The following RAP1GDS1 variants were observed in gnomAD, a reference collection of about 807,000 sequenced individuals.
RAP1GDS1 encodes the protein Rap1 GTPase-GDP dissociation stimulator 1.
In RAP1GDS1, 35 loss-of-function variants were observed where a neutral mutation model predicts 71.1. The ratio of observed to expected loss-of-function variants is 0.49; its 90% CI spans 0.38 to 0.65. The LOEUF is 0.65. Ranked by LOEUF, RAP1GDS1 falls within the 30% of genes least tolerant of loss-of-function variation. RAP1GDS1 has a pLI of 0.00. For synonymous variants in RAP1GDS1, 229 were observed against 243.1 expected (o/e 0.94, Z 0.54); for missense variants, 663 against 706.1 (o/e 0.94, Z 0.69).
chr4:98,389,839 A>G (rs1447218420), intron 5 of RAP1GDS1, among the ~76,000 whole-genome samples: 1 of 152,158 alleles, frequency 6.6e-6, no homozygotes, highest in Non-Finnish European at 1.5e-5. Flanking sequence ...TCTAAGTGGT[A>G]TTCTTCTGTT....
At chr4:98,321,180 GATGAA>G (rs1376159848) in intron 2 of RAP1GDS1, among the ~76,000 whole-genome samples, 1 of 143,098 alleles carries the variant, frequency 7.0e-6, no homozygotes, top group Non-Finnish European at 1.5e-5. Context: ...AGCAATGGAA[GATGAA>G]ATGAATGAAA....
chr4:98,409,642 G>T, intron 7 of RAP1GDS1: 1 of 264,644 alleles, frequency 3.8e-6, no homozygotes, highest in Admixed American at 4.3e-5. Flanking sequence ...GGGAGCCAAA[G>T]AGAAATGTAC....
intron 2 of RAP1GDS1, among the ~76,000 whole-genome samples, chr4:98,331,978 A>ACAAAGCT (rs1734084863): frequency 6.6e-6 from 1 of 152,232 alleles, no homozygotes; most frequent in Non-Finnish European, 1.5e-5. Context: ...CTTAACCCTT[A>ACAAAGCT]CAAAGCTCAG....
chr4:98,326,029 G>T (rs957138912), intron 2 of RAP1GDS1, among the ~76,000 whole-genome samples: 5 of 152,038 alleles, frequency 3.3e-5, no homozygotes, highest in Non-Finnish European at 7.4e-5. Context: ...AAACAAAAAT[G>T]AATAATTGTT....
At chr4:98,279,814 T>C (rs1353517434) in intron 1 of RAP1GDS1, among the ~76,000 whole-genome samples, 1 of 152,082 alleles carries the variant, frequency 6.6e-6, no homozygotes, top group Non-Finnish European at 1.5e-5. Context: ...TGTGTCCAAG[T>C]GTTCTCATTG....
At chr4:98,396,128 G>A (rs1744513585) in intron 6 of RAP1GDS1, 1 of 152,036 alleles carries the variant, frequency 6.6e-6, no homozygotes, top group Admixed American at 6.6e-5. Context: ...ATCACCAAGG[G>A]GATGGTACTA....
intron 1 of RAP1GDS1, among the ~76,000 whole-genome samples, chr4:98,287,834 TTTAG>T (rs1726269081): frequency 6.6e-6 from 1 of 152,166 alleles, no homozygotes; most frequent in Admixed American, 6.5e-5. Flanking sequence ...ACAAAACATA[TTTAG>T]TATTTAGGTA....
chr4:98,306,306 C>T (rs564548419), intron 2 of RAP1GDS1, among the ~76,000 whole-genome samples: 3 of 152,278 alleles, frequency 2.0e-5, no homozygotes, highest in South Asian at 4.1e-4. Flanking sequence ...GTTCAGAGTC[C>T]GGTGACATGC....
chr4:98,296,506 A>C (rs1727781327), intron 2 of RAP1GDS1, among the ~76,000 whole-genome samples: 1 of 152,158 alleles, frequency 6.6e-6, no homozygotes, highest in Admixed American at 6.6e-5. Context: ...TTGTTTAAGC[A>C]AGCATTTTGT....
intron 2 of RAP1GDS1, among the ~76,000 whole-genome samples, chr4:98,312,088 A>G (rs749437171): frequency 3.3e-5 from 5 of 152,212 alleles, no homozygotes; most frequent in Non-Finnish European, 5.9e-5. Flanking sequence ...TGATTTTACT[A>G]AAGTTGGGGA....
chr4:98,355,768 T>A (rs1737869305), intron 4 of RAP1GDS1, among the ~76,000 whole-genome samples: 1 of 152,186 alleles, frequency 6.6e-6, no homozygotes, highest in Non-Finnish European at 1.5e-5. Context: ...AGTGCCCATT[T>A]TAGGAACTTT....
At chr4:98,331,474 A>G (rs746369544) in intron 2 of RAP1GDS1, among the ~76,000 whole-genome samples, 9 of 152,138 alleles carry the variant, frequency 5.9e-5, no homozygotes, top group South Asian at 2.1e-4. Context: ...TAAAAATCCA[A>G]TGGAAGTTTA....
At chr4:98,364,291 A>T (rs770233994) in intron 4 of RAP1GDS1, among the ~76,000 whole-genome samples, 8 of 152,288 alleles carry the variant, frequency 5.3e-5, no homozygotes, top group Non-Finnish European at 8.8e-5. Flanking sequence ...CCTTGAAATC[A>T]TAGTTTTTTA....
chr4:98,378,014 G>T (rs1741425117), intron 4 of RAP1GDS1, among the ~76,000 whole-genome samples: 1 of 151,670 alleles, frequency 6.6e-6, no homozygotes, highest in African/African-American at 2.4e-5. Flanking sequence ...ATATCAGAGT[G>T]ATATATATTG....
rs116108172 is a variant in RAP1GDS1 at position 98,320,395 on chromosome 4, C to T, written c.113-22744C>T. 5.9e-3 allele frequency among the ~76,000 whole-genome samples: 895 copies of T among 152,238 alleles called. 10 individuals carry two copies. Among genetic ancestry groups the T allele is most frequent in the African/African-American group, 0.021 (857 of 41,526 alleles). On this transcript the variant is annotated intron_variant, in intron 2 of 14. Coordinates refer to ENST00000408927, the MANE Select transcript of RAP1GDS1 (RefSeq NM_001100427.2). Reference sequence around the variant, plus strand: ...GAGAAGAGCTGTTTGAAAATGTCCCCGTTACGTGATTCTCTTTTCAGAATG... The same window carrying T: ...GAGAAGAGCTGTTTGAAAATGTCCCTGTTACGTGATTCTCTTTTCAGAATG...
In RAP1GDS1 at chr4:98,393,343, TC is replaced by T. The variant is rs558900494; in HGVS notation, c.637+1264del. On this transcript the variant is annotated intron_variant, in intron 6 of 14. Transcript: ENST00000408927. Reference sequence around the variant, plus strand: ...TCCCAGTATTTGTGAATGTTTCTCATCTTCTCTCTTCATCTGCTTTTTCTTT... The same window carrying T: ...TCCCAGTATTTGTGAATGTTTCTCATTTCTCTCTTCATCTGCTTTTTCTTT... Among the ~76,000 whole-genome samples the T allele has an allele frequency of 2.7e-4, 41 of 152,340 alleles. No individual in the cohort carries two copies. In the East Asian group the frequency reaches 5.2e-3, roughly 19 times the overall value.
At chr4:98,291,127 C>T (rs1443979402) in intron 1 of RAP1GDS1, among the ~76,000 whole-genome samples, 1 of 152,026 alleles carries the variant, frequency 6.6e-6, no homozygotes, top group Non-Finnish European at 1.5e-5. Flanking sequence ...AAACCTTTGA[C>T]AGAGTAATTT....
At chr4:98,360,194 A>G (rs907688516) in intron 4 of RAP1GDS1, among the ~76,000 whole-genome samples, 5 of 152,188 alleles carry the variant, frequency 3.3e-5, no homozygotes, top group Non-Finnish European at 5.9e-5. Context: ...TAAAAAGCTA[A>G]TGTCTTAGGG....
chr4:98,322,091 GA>G (rs1221566711), intron 2 of RAP1GDS1, among the ~76,000 whole-genome samples: 4 of 91,892 alleles, frequency 4.4e-5, no homozygotes, highest in African/African-American at 1.8e-4. Flanking sequence ...CAAGCAAATG[GA>G]AAACAAAAAA....
Sources: allele counts gnomAD v4.1 joint callset (sites outside exome capture counted in the v4.1 genomes callset), GRCh38; gene constraint gnomAD v4.1.1; transcripts MANE v1.5; gene names NCBI Gene and HGNC (gene_info 2026-07-23, HGNC 2026-07-21).